The following CTNNA2 variants were observed in gnomAD, a reference collection of about 807,000 sequenced individuals.
CTNNA2 encodes catenin alpha 2.
Under a neutral mutation model 101.0 loss-of-function variants are expected in CTNNA2, and 42 were observed. The ratio of observed to expected loss-of-function variants is 0.42; its 90% CI spans 0.32 to 0.54. The LOEUF is 0.54. CTNNA2 is among the 20% of genes least tolerant of loss of function. The probability of loss-of-function intolerance (pLI) is 0.14; values close to 1 mark genes in which losing one functional copy is unlikely to be tolerated. For missense variants in CTNNA2, 871 were observed against 1,223.1 expected, an observed-to-expected ratio of 0.71 and a Z score of 4.29; for synonymous variants, 450 against 456.4, an observed-to-expected ratio of 0.99 and a Z score of 0.18.
intron 4 of CTNNA2, among the ~76,000 whole-genome samples, chr2:79,468,890 G>A (rs1432970911): frequency 1.3e-5 from 2 of 152,108 alleles, no homozygotes; most frequent in African/African-American, 4.8e-5. Context: ...GTGTGTAGAG[G>A]GAAATTTATA....
intron 9 of CTNNA2, among the ~76,000 whole-genome samples, chr2:80,451,871 G>T (rs1048154023): frequency 1.3e-5 from 2 of 150,762 alleles, no homozygotes; most frequent in African/African-American, 2.4e-5. Context: ...ATTTTTTATC[G>T]GAAAAAAAAG....
At chr2:79,912,591 T>C (rs1574294072) in intron 7 of CTNNA2, among the ~76,000 whole-genome samples, 1 of 152,350 alleles carries the variant, frequency 6.6e-6, no homozygotes, top group African/African-American at 2.4e-5. Flanking sequence ...GAAAGGATGG[T>C]TGGAATTCTT....
At chr2:80,019,419 C>G (rs1022460046) in intron 7 of CTNNA2, among the ~76,000 whole-genome samples, 3 of 152,100 alleles carry the variant, frequency 2.0e-5, no homozygotes, top group African/African-American at 7.2e-5. Flanking sequence ...AACAATGGGC[C>G]AAAACCTTCA....
intron 3 of CTNNA2, among the ~76,000 whole-genome samples, chr2:79,775,488 G>T (rs776800664): frequency 6.6e-6 from 1 of 152,158 alleles, no homozygotes; most frequent in Non-Finnish European, 1.5e-5. Flanking sequence ...TTTAAGTTCA[G>T]GGGTACATGT....
In CTNNA2 at chr2:80,648,369, TCTA is replaced by T. The variant is rs1674332995; in HGVS notation, c.*498_*500del. 1 of 152,662 alleles carries T rather than the reference TCTA, an allele frequency of 6.6e-6. No homozygotes were observed. The highest frequency in any genetic ancestry group is 2.1e-4 in the South Asian group (1 of 4,832). 9.5% of individuals were successfully genotyped at this position (152,662 alleles called of 1,614,324 possible). A position where few individuals can be genotyped will look rare whatever the true frequency, so the allele number is the denominator to read the frequency against. ...TGAATTGAACAATTTAACCTTGAAG[TCTA>T]TATCCGTGATATTATGTCGATTTTT... On this transcript the variant is annotated 3_prime_UTR_variant, in exon 19 of 19. Transcript: ENST00000402739.
At chr2:79,586,059 A>G (rs1336370202) in intron 1 of CTNNA2, among the ~76,000 whole-genome samples, 3 of 152,190 alleles carry the variant, frequency 2.0e-5, no homozygotes, top group African/African-American at 7.2e-5. Context: ...TGTCGATGTT[A>G]GTCTGAAACC....
At chr2:79,383,318 G>A (rs1383234834) in intron 4 of CTNNA2, among the ~76,000 whole-genome samples, 4 of 152,132 alleles carry the variant, frequency 2.6e-5, no homozygotes, top group South Asian at 2.1e-4. Context: ...CTGTATGATC[G>A]GGGATAATAA....
intron 2 of CTNNA2, among the ~76,000 whole-genome samples, chr2:79,684,719 G>A (rs1683818245): frequency 6.6e-6 from 1 of 152,218 alleles, no homozygotes; most frequent in African/African-American, 2.4e-5. Flanking sequence ...GCATAGGGGA[G>A]TTTGGACCAT....
In CTNNA2 at chr2:80,475,382, T is replaced by C. The variant is rs1685648105; in HGVS notation, c.1290+55781T>C. Among the ~76,000 whole-genome samples, 3 of 152,086 alleles carry C rather than the reference T, an allele frequency of 2.0e-5. No homozygotes were observed. The South Asian group carries it at 6.2e-4, about 32-fold the overall frequency. On this transcript the variant is annotated intron_variant, in intron 9 of 18. Coordinates refer to ENST00000402739, the MANE Select transcript of CTNNA2 (RefSeq NM_001282597.3). The stretch of plus-strand genomic sequence containing the variant: ...AATAACTGCTGATTTAACAAAGAAG[T>C]TGAGAGGTGGTGCAAAATAAGGAGC...
chr2:80,328,234 TC>T, intron 7 of CTNNA2: 1 of 469,024 alleles, frequency 2.1e-6, no homozygotes, highest in South Asian at 1.6e-5. Flanking sequence ...TCTGTCTTTG[TC>T]AGGGAAGCAT....
At chr2:79,397,732 T>G (rs932350502) in intron 4 of CTNNA2, among the ~76,000 whole-genome samples, 3 of 152,060 alleles carry the variant, frequency 2.0e-5, no homozygotes, top group African/African-American at 7.2e-5. Flanking sequence ...GGCATGATCA[T>G]AGCTCACTCT....
intron 2 of CTNNA2, among the ~76,000 whole-genome samples, chr2:79,725,304 G>A (rs1017626555): frequency 6.6e-6 from 1 of 152,186 alleles, no homozygotes; most frequent in African/African-American, 2.4e-5. Context: ...CCCTGGCTGC[G>A]CTACTGACTT....
intron 7 of CTNNA2, among the ~76,000 whole-genome samples, chr2:79,982,296 A>T (rs1691385831): frequency 7.4e-6 from 1 of 135,334 alleles, no homozygotes; most frequent in African/African-American, 3.2e-5. Context: ...AACATATATA[A>T]CATATATAAA....
intron 7 of CTNNA2, among the ~76,000 whole-genome samples, chr2:80,359,646 C>A (rs998938464): frequency 6.6e-6 from 1 of 152,114 alleles, no homozygotes; most frequent in Non-Finnish European, 1.5e-5. Context: ...TTTCCTGAGG[C>A]CCCCCTAGAA....
chr2:80,456,776 T>A (rs1684013203), intron 9 of CTNNA2, among the ~76,000 whole-genome samples: 1 of 151,880 alleles, frequency 6.6e-6, no homozygotes, highest in Admixed American at 6.6e-5. Context: ...GGGAATTAGA[T>A]GAGAAAAGGT....
At chr2:79,841,817 T>C (rs573921677) in intron 3 of CTNNA2, among the ~76,000 whole-genome samples, 87 of 152,332 alleles carry the variant, frequency 5.7e-4, no homozygotes, top group African/African-American at 2.0e-3. Flanking sequence ...TCTTGTACCA[T>C]TGGCTACCTT....
At chr2:79,695,877 TG>T (rs1684622509) in intron 2 of CTNNA2, among the ~76,000 whole-genome samples, 1 of 152,008 alleles carries the variant, frequency 6.6e-6, no homozygotes, top group South Asian at 2.1e-4. Flanking sequence ...TCAGTTGGTT[TG>T]GGGGCTTAGG....
At chr2:79,559,876 A>C (rs1674669084) in intron 1 of CTNNA2, among the ~76,000 whole-genome samples, 1 of 151,922 alleles carries the variant, frequency 6.6e-6, no homozygotes, top group Non-Finnish European at 1.5e-5. Flanking sequence ...TAGTGATAAT[A>C]AATTCATATG....
At chr2:79,987,107 G>A (rs1574478440) in intron 7 of CTNNA2, among the ~76,000 whole-genome samples, 1 of 152,154 alleles carries the variant, frequency 6.6e-6, no homozygotes, top group African/African-American at 2.4e-5. Context: ...ACTGGAAGCT[G>A]TCTCTCTTCC....
Sources: gnomAD v4.1 joint callset for allele counts (sites outside exome capture counted in the v4.1 genomes callset) on GRCh38, gnomAD v4.1.1 for gene constraint, MANE v1.5 for transcripts, NCBI Gene and HGNC (gene_info 2026-07-23, HGNC 2026-07-21) for gene names.